The following PAH variants were observed in gnomAD, a reference collection of about 807,000 sequenced individuals.
PAH encodes phenylalanine hydroxylase, also known as phenylalanine-4-hydroxylase.
Under a neutral mutation model 62.0 loss-of-function variants are expected in PAH, and 64 were observed. That is an observed-to-expected ratio of 1.03 (90% CI 0.84 to 1.27). The LOEUF is 1.27. Ranked by LOEUF, PAH falls within the 50% of genes most tolerant of loss-of-function variation. The pLI is 0.00. For missense variants in PAH, 579 were observed against 542.8 expected (o/e 1.07, Z -0.66); for synonymous variants, 195 against 196.2 (o/e 0.99, Z 0.05).
At chr12:102,938,995 T>C (rs73395419) in intron 1 of PAH, among the ~76,000 whole-genome samples, 4,790 of 151,576 alleles carry the variant, frequency 0.032, 262 homozygotes, top group African/African-American at 0.11. Context: ...CTCTTTCTGC[T>C]CTTGGGTTGG....
At chr12:102,929,102 A>T (rs759790716) in intron 1 of PAH, among the ~76,000 whole-genome samples, 3 of 152,000 alleles carry the variant, frequency 2.0e-5, no homozygotes, top group Non-Finnish European at 4.4e-5. Context: ...GTGAAAAAGG[A>T]TGTGTTTGCT....
In PAH at chr12:102,852,853, G is replaced by A. The variant is rs748337823; in HGVS notation, c.804C>T (p.Tyr268=). 2.4e-5 allele frequency: 39 copies of A among 1,614,102 alleles called. 1 individual carries two copies. The South Asian group carries it at 3.7e-4, about 15-fold the overall frequency. The change falls in exon 7 of 13, where the codon TAC becomes TAT. Residue 268 remains tyrosine, a synonymous_variant. Coordinates refer to ENST00000553106, the MANE Select transcript of PAH (RefSeq NM_000277.3). ...ACATGGGCTTGGATCCATGTCTGAT[G>A]TACTGTGTGCAGTGGAAGACTCGGA... ...LAFRVFHCTQ[Y]IRHGSKPMYT... is the part of the protein sequence containing the mutation.
chr12:102,892,384 GAA>G (rs35776069), intron 3 of PAH, among the ~76,000 whole-genome samples: 1 of 151,714 alleles, frequency 6.6e-6, no homozygotes, highest in African/African-American at 2.4e-5. Flanking sequence ...TTTTACAGTA[GAA>G]AAAAAATAAT....
chr12:102,953,778 G>GA (rs1879836349), upstream of PAH: 1 of 152,198 alleles, frequency 6.6e-6, no homozygotes, highest in Non-Finnish European at 1.5e-5. Context: ...CACCAAAGGG[G>GA]ATCAGTGCTT....
intron 1 of PAH, among the ~76,000 whole-genome samples, chr12:102,936,431 T>G (rs1353436303): frequency 2.0e-5 from 3 of 152,192 alleles, no homozygotes; most frequent in Non-Finnish European, 4.4e-5. Context: ...TTGATATTTC[T>G]TTGTTAATTT....
At chr12:102,941,330 G>A (rs1297004767) in intron 1 of PAH, among the ~76,000 whole-genome samples, 1 of 152,114 alleles carries the variant, frequency 6.6e-6, no homozygotes, top group Non-Finnish European at 1.5e-5. Context: ...CATGTAAGTA[G>A]GCTAAATCCC....
intron 1 of PAH, among the ~76,000 whole-genome samples, chr12:102,938,079 G>A (rs982884023): frequency 5.9e-5 from 9 of 152,156 alleles, no homozygotes; most frequent in Admixed American, 4.6e-4. Context: ...ACTGCTCTTC[G>A]ACAAGATTGT....
At chr12:102,856,418 C>A (rs1237908157) in intron 5 of PAH, among the ~76,000 whole-genome samples, 4 of 152,198 alleles carry the variant, frequency 2.6e-5, no homozygotes, top group African/African-American at 9.7e-5. Context: ...CAGTGCATAG[C>A]CAAACAAAAG....
At chr12:102,885,282 C>G (rs575808770) in intron 3 of PAH, among the ~76,000 whole-genome samples, 1 of 152,266 alleles carries the variant, frequency 6.6e-6, no homozygotes, top group South Asian at 2.1e-4. Flanking sequence ...AGGTCCCTTC[C>G]CCCTACCCGG....
chr12:102,862,101 C>A (rs1623295), intron 5 of PAH, among the ~76,000 whole-genome samples: 16 of 152,052 alleles, frequency 1.1e-4, no homozygotes, highest in African/African-American at 3.6e-4. Context: ...GACACATACA[C>A]GCATATGTTC....
At chr12:102,861,210 G>A (rs1208529645) in intron 5 of PAH, among the ~76,000 whole-genome samples, 11 of 152,176 alleles carry the variant, frequency 7.2e-5, no homozygotes, top group African/African-American at 2.7e-4. Flanking sequence ...CATTTATGCA[G>A]CCAACAGACA....
chr12:102,845,784 T>A (rs1277676509), intron 9 of PAH, among the ~76,000 whole-genome samples: 3 of 152,212 alleles, frequency 2.0e-5, no homozygotes, highest in African/African-American at 4.8e-5. Flanking sequence ...GCAACATGCA[T>A]GTAGTTACAC....
Position 102,851,831 on chromosome 12 carries a change from G to A in PAH, c.843-75C>T. ...AGCCAGACTCAGTCTTTCTACATGA[G>A]GAATGGGCAGAAAGAATGGAAATAA... On this transcript the variant is annotated intron_variant, in intron 7 of 12. Transcript: ENST00000553106. The A allele has an allele frequency of 8.5e-6, 9 of 1,059,778 alleles. No homozygotes were observed. The South Asian group carries it at 1.1e-4, about 14-fold the overall frequency. 65.6% of individuals were successfully genotyped at this position (1,059,778 alleles called of 1,614,324 possible).
intron 4 of PAH, among the ~76,000 whole-genome samples, chr12:102,873,508 G>T (rs1440607497): frequency 3.3e-5 from 5 of 152,170 alleles, no homozygotes; most frequent in Admixed American, 6.5e-5. Context: ...AGATCTGGGG[G>T]TTTTTGCTGA....
chr12:102,881,013 T>C (rs1876791814), intron 3 of PAH, among the ~76,000 whole-genome samples: 1 of 150,214 alleles, frequency 6.7e-6, no homozygotes, highest in Admixed American at 6.7e-5. Flanking sequence ...TATTATTTAT[T>C]AATTTAATTT....
chr12:102,935,183 T>C (rs951740234), intron 1 of PAH, among the ~76,000 whole-genome samples: 2 of 152,166 alleles, frequency 1.3e-5, no homozygotes, highest in Non-Finnish European at 2.9e-5. Flanking sequence ...ATTCTGTTGA[T>C]ATGATGTATC....
At chr12:102,935,775 T>C (rs1879078995) in intron 1 of PAH, among the ~76,000 whole-genome samples, 1 of 152,082 alleles carries the variant, frequency 6.6e-6, no homozygotes, top group Non-Finnish European at 1.5e-5. Context: ...TAATTCGGTC[T>C]TCTCCCTTTT....
upstream of PAH, among the ~76,000 whole-genome samples, chr12:102,922,195 C>CT (rs550531972): frequency 0.25 from 31,194 of 124,868 alleles, 5,284 homozygotes; most frequent in African/African-American, 0.44. Flanking sequence ...TAAATCTTGC[C>CT]TTTTTTTTTT....
chr12:102,889,119 C>T (rs1877160930), intron 3 of PAH, among the ~76,000 whole-genome samples: 1 of 152,118 alleles, frequency 6.6e-6, no homozygotes, highest in African/African-American at 2.4e-5. Context: ...CTTTGGGAAC[C>T]ATAGCCCCTT....
Sources: allele counts gnomAD v4.1 joint callset (sites outside exome capture counted in the v4.1 genomes callset), GRCh38; gene constraint gnomAD v4.1.1; transcripts MANE v1.5; gene names NCBI Gene and HGNC (gene_info 2026-07-23, HGNC 2026-07-21).